FAM47E: variants seen among roughly 807,000 people sequenced by gnomAD.
FAM47E encodes family with sequence similarity 47 member E.
Under a neutral mutation model 41.6 loss-of-function variants are expected in FAM47E, and 32 were observed. The observed-to-expected ratio is 0.77, with a 90% CI of 0.58 to 1.03. The LOEUF is 1.03. Among genes scored for constraint, FAM47E ranks in the 50% least tolerant of loss-of-function variants. The pLI is 0.00. For missense variants in FAM47E, 424 were observed against 485.4 expected (o/e 0.87, Z 1.19); for synonymous variants, 184 against 188.7 (o/e 0.98, Z 0.20).
At chr4:76,264,571 A>C (rs1308699810) in intron 3 of FAM47E, among the ~76,000 whole-genome samples, 1 of 152,020 alleles carries the variant, frequency 6.6e-6, no homozygotes, top group Non-Finnish European at 1.5e-5. Flanking sequence ...ACTGGACACA[A>C]ATAGATTTGG....
intron 2 of FAM47E, among the ~76,000 whole-genome samples, chr4:76,258,545 G>A (rs1159618822): frequency 6.6e-6 from 1 of 152,174 alleles, no homozygotes; most frequent in Non-Finnish European, 1.5e-5. Flanking sequence ...GGGGACAGGG[G>A]TAGGCCCAGA....
chr4:76,260,803 C>A (rs1734378814), intron 2 of FAM47E, among the ~76,000 whole-genome samples: 1 of 152,072 alleles, frequency 6.6e-6, no homozygotes, highest in African/African-American at 2.4e-5. Flanking sequence ...AAACTATTTG[C>A]AAACTATACA....
At chr4:76,282,115 G>T (rs1056723776) in intron 7 of FAM47E, 3 of 152,140 alleles carry the variant, frequency 2.0e-5, no homozygotes, top group Admixed American at 6.5e-5. Flanking sequence ...AATATAGTGT[G>T]TGCGTCAATA....
At chr4:76,227,886 T>A (rs1205675918) in intron 2 of FAM47E, among the ~76,000 whole-genome samples, 1 of 152,236 alleles carries the variant, frequency 6.6e-6, no homozygotes, top group Non-Finnish European at 1.5e-5. Context: ...TAGAATATCT[T>A]TTTCTAGCCC....
chr4:76,270,437 G>A (rs1734836629), intron 4 of FAM47E, among the ~76,000 whole-genome samples: 1 of 152,162 alleles, frequency 6.6e-6, no homozygotes, highest in African/African-American at 2.4e-5. Flanking sequence ...AAGAGTGGGG[G>A]TGTCCAGCCC....
At chr4:76,250,146 A>G (rs911142342), upstream of FAM47E, among the ~76,000 whole-genome samples, 2 of 152,100 alleles carry the variant, frequency 1.3e-5, no homozygotes, top group African/African-American at 4.8e-5. Context: ...ACTGTTTTCC[A>G]TAGTGGTTTT....
chr4:76,261,315 A>C (rs1204464374), intron 2 of FAM47E, among the ~76,000 whole-genome samples: 2 of 152,216 alleles, frequency 1.3e-5, no homozygotes, highest in Admixed American at 6.5e-5. Context: ...CAGCAATTCC[A>C]CTACTGGGTA....
intron 3 of FAM47E, 43 bp from the exon 4 acceptor site, chr4:76,268,617 C>A (rs563133982): frequency 6.5e-7 from 1 of 1,530,906 alleles, no homozygotes; most frequent in East Asian, 2.5e-5. Context: ...CATTTGGATT[C>A]ATTGTGTCTC....
chr4:76,235,202 C>G (rs1213946259), intron 2 of FAM47E, among the ~76,000 whole-genome samples: 1 of 152,016 alleles, frequency 6.6e-6, no homozygotes, highest in African/African-American at 2.4e-5. Flanking sequence ...TCTGTAGTCC[C>G]AGGTACTCGG....
At chr4:76,281,937 T>C (rs1380884139) in intron 7 of FAM47E, 3 of 152,206 alleles carry the variant, frequency 2.0e-5, no homozygotes, top group Non-Finnish European at 4.4e-5. Flanking sequence ...CCAGCATTTA[T>C]TATTAAGTTT....
intron 3 of FAM47E, among the ~76,000 whole-genome samples, chr4:76,265,180 T>TAAATGTAGG (rs935756390): frequency 3.3e-5 from 5 of 152,228 alleles, no homozygotes; most frequent in African/African-American, 1.2e-4. Context: ...CACCTCCTGG[T>TAAATGTAGG]AAATGTAGGA....
chr4:76,282,436 A>G (rs926316521), intron 7 of FAM47E: 1 of 152,154 alleles, frequency 6.6e-6, no homozygotes, highest in Non-Finnish European at 1.5e-5. Flanking sequence ...AGCTATGAAC[A>G]TCTGCTTTTC....
At chr4:76,228,099 T>TC (rs1733429636) in intron 2 of FAM47E, among the ~76,000 whole-genome samples, 2 of 151,578 alleles carry the variant, frequency 1.3e-5, no homozygotes, top group Non-Finnish European at 2.9e-5. Context: ...CCTTTTTTTT[T>TC]CATTGTGTTG....
rs1418051293 is a variant in FAM47E, at chr4:76,256,165, A to G, written c.75-13A>G. ...GGTATTCTAGGTACAAAGAGAATCTATCTACCTTCCAGATGTTTCACAAAG... is the reference window on the plus strand; with the variant it reads ...GGTATTCTAGGTACAAAGAGAATCTGTCTACCTTCCAGATGTTTCACAAAG... On this transcript the variant is annotated splice_polypyrimidine_tract_variant and intron_variant, in intron 1 of 7. Coordinates refer to ENST00000424749, the MANE Select transcript of FAM47E (RefSeq NM_001136570.3). 6.5e-7 allele frequency: 1 copy of G among 1,547,890 alleles called. No individual in the cohort carries two copies. The highest frequency in any genetic ancestry group is 2.0e-5 in the Admixed American group (1 of 50,862).
At chr4:76,260,969 G>A (rs1224011153) in intron 2 of FAM47E, among the ~76,000 whole-genome samples, 1 of 151,458 alleles carries the variant, frequency 6.6e-6, no homozygotes, top group African/African-American at 2.4e-5. Context: ...GTGACAGAGT[G>A]TGAGACCCTG....
At chr4:76,223,799 C>T (rs1358958889) in intron 2 of FAM47E, among the ~76,000 whole-genome samples, 2 of 152,150 alleles carry the variant, frequency 1.3e-5, no homozygotes, top group African/African-American at 2.4e-5. Context: ...TTGGACTCTC[C>T]ACTCTCCACC....
At chr4:76,234,364 A>C (rs1733546829) in intron 2 of FAM47E, 2 of 152,518 alleles carry the variant, frequency 1.3e-5, no homozygotes, top group Non-Finnish European at 2.9e-5. Context: ...TGTGAAGCTA[A>C]AGATGGCATT....
upstream of FAM47E, chr4:76,251,589 G>C: frequency 7.7e-7 from 1 of 1,298,186 alleles, no homozygotes; most frequent in Non-Finnish European, 9.8e-7. Context: ...GTCCCCAGGC[G>C]TCGGAGAAGG....
intron 2 of FAM47E, among the ~76,000 whole-genome samples, chr4:76,241,404 T>C (rs545076498): frequency 6.6e-6 from 1 of 152,200 alleles, no homozygotes; most frequent in East Asian, 1.9e-4. Flanking sequence ...TCATTTCTTC[T>C]TCTGCACCTT....
Sources: gnomAD v4.1 joint callset for allele counts (sites outside exome capture counted in the v4.1 genomes callset) on GRCh38, gnomAD v4.1.1 for gene constraint, MANE v1.5 for transcripts, NCBI Gene and HGNC (gene_info 2026-07-23, HGNC 2026-07-21) for gene names.